Variants in CDH18 observed in about 807,000 individuals in gnomAD.
CDH18 encodes the protein cadherin-18.
A neutral mutation model predicts 67.9 loss-of-function variants in CDH18; 31 were observed. The ratio of observed to expected loss-of-function variants is 0.46; its 90% CI spans 0.34 to 0.62. The LOEUF (loss-of-function observed/expected upper bound fraction) is 0.62, where lower values mean the gene tolerates loss of function less well. Among genes scored for constraint, CDH18 ranks in the 20% least tolerant of loss-of-function variants. The pLI is 0.01. For synonymous variants in CDH18, 362 were observed against 347.2 expected, an observed-to-expected ratio of 1.04 and a Z score of -0.48; for missense variants, 890 against 975.5, an observed-to-expected ratio of 0.91 and a Z score of 1.17.
intron 5 of CDH18, among the ~76,000 whole-genome samples, chr5:19,684,758 C>T (rs1424058413): frequency 6.6e-6 from 1 of 151,738 alleles, no homozygotes; most frequent in Non-Finnish European, 1.5e-5. Context: ...AGAATATTGC[C>T]TTAAAGAATA....
At chr5:19,660,269 T>C (rs1440359416) in intron 5 of CDH18, among the ~76,000 whole-genome samples, 2 of 152,144 alleles carry the variant, frequency 1.3e-5, no homozygotes, top group Non-Finnish European at 1.5e-5. Flanking sequence ...TTCAACTCTT[T>C]CAGTTTCTAT....
intron 7 of CDH18, among the ~76,000 whole-genome samples, chr5:19,582,126 C>T (rs539129898): frequency 1.3e-5 from 2 of 151,928 alleles, no homozygotes; most frequent in East Asian, 3.9e-4. Context: ...TTATATTATA[C>T]AGAAAGTATG....
At chr5:20,451,583 G>A (rs968231327) in intron 1 of CDH18, among the ~76,000 whole-genome samples, 2 of 152,038 alleles carry the variant, frequency 1.3e-5, no homozygotes, top group Non-Finnish European at 1.5e-5. Context: ...TAATATCTTG[G>A]CCATGAAGGA....
At chr5:20,548,468 T>TAC (rs1437909109) in intron 1 of CDH18, among the ~76,000 whole-genome samples, 1 of 151,262 alleles carries the variant, frequency 6.6e-6, no homozygotes. Context: ...TGTGTGTGTA[T>TAC]ACACACACAC....
intron 2 of CDH18, among the ~76,000 whole-genome samples, chr5:20,078,322 G>A (rs1201844055): frequency 6.6e-6 from 1 of 151,926 alleles, no homozygotes; most frequent in Admixed American, 6.6e-5. Flanking sequence ...AATTAGCTGG[G>A]TGTGGTGGCG....
chr5:19,809,295 T>TA (rs1427317384), intron 3 of CDH18, among the ~76,000 whole-genome samples: 1 of 152,118 alleles, frequency 6.6e-6, no homozygotes, highest in Non-Finnish European at 1.5e-5. Context: ...GAAAATTAAC[T>TA]AAGTACACGC....
chr5:19,731,903 A>G (rs1767646891), intron 4 of CDH18, among the ~76,000 whole-genome samples: 1 of 152,070 alleles, frequency 6.6e-6, no homozygotes, highest in Admixed American at 6.5e-5. Flanking sequence ...CAGCCTGGGC[A>G]ACATGGCAAA....
At chr5:19,610,962 A>G (rs999714902) in intron 6 of CDH18, among the ~76,000 whole-genome samples, 7 of 152,182 alleles carry the variant, frequency 4.6e-5, no homozygotes, top group African/African-American at 1.7e-4. Flanking sequence ...TCAACATTTT[A>G]AAATGATTTT....
intron 2 of CDH18, among the ~76,000 whole-genome samples, chr5:20,110,410 C>T (rs1258117170): frequency 8.5e-5 from 13 of 152,114 alleles, no homozygotes; most frequent in Admixed American, 5.9e-4. Context: ...GTGTCGAGCA[C>T]GGTGGCTCAT....
chr5:19,685,476 C>T (rs1760952531), intron 5 of CDH18, among the ~76,000 whole-genome samples: 1 of 152,174 alleles, frequency 6.6e-6, no homozygotes, highest in Non-Finnish European at 1.5e-5. Flanking sequence ...GAACAACTTC[C>T]TTTCTGACTG....
At chr5:19,476,280 A>AT (rs1738450723) in intron 12 of CDH18, among the ~76,000 whole-genome samples, 1 of 152,096 alleles carries the variant, frequency 6.6e-6, no homozygotes, top group Non-Finnish European at 1.5e-5. Flanking sequence ...CATGGGAAGC[A>AT]TTGAATTACT....
intron 1 of CDH18, among the ~76,000 whole-genome samples, chr5:20,396,655 G>T (rs1360427208): frequency 1.8e-5 from 1 of 55,478 alleles, no homozygotes; most frequent in Admixed American, 2.5e-4. Flanking sequence ...CTAATGAATT[G>T]ATTTATTTTA....
chr5:20,231,682 C>A (rs941971626), intron 2 of CDH18, among the ~76,000 whole-genome samples: 1 of 151,802 alleles, frequency 6.6e-6, no homozygotes, highest in South Asian at 2.1e-4. Context: ...CATCGTTTTA[C>A]AAATTTTGAA....
At chr5:19,988,375 C>G (rs1373463565), upstream of CDH18, 2 of 154,512 alleles carry the variant, frequency 1.3e-5, no homozygotes, top group Non-Finnish European at 2.8e-5. Flanking sequence ...GCCTCCTTCT[C>G]CCCCCCAACC....
At chr5:19,782,314 G>A (rs1775209550) in intron 3 of CDH18, among the ~76,000 whole-genome samples, 1 of 152,084 alleles carries the variant, frequency 6.6e-6, no homozygotes, top group Non-Finnish European at 1.5e-5. Context: ...ATTATCATGA[G>A]GGGAGCATGG....
intron 5 of CDH18, among the ~76,000 whole-genome samples, chr5:19,698,953 T>C (rs1222122576): frequency 6.6e-6 from 1 of 152,142 alleles, no homozygotes; most frequent in Non-Finnish European, 1.5e-5. Flanking sequence ...TCTGTTTCTC[T>C]TCCCTACAGG....
intron 8 of CDH18, among the ~76,000 whole-genome samples, chr5:19,551,106 T>C (rs1053387617): frequency 7.9e-5 from 12 of 152,114 alleles, no homozygotes; most frequent in African/African-American, 2.4e-4. Flanking sequence ...AATGCATAGA[T>C]TGGGAAAAAT....
chr5:20,071,416 C>G (rs1244577290), intron 2 of CDH18, among the ~76,000 whole-genome samples: 1 of 152,062 alleles, frequency 6.6e-6, no homozygotes, highest in Non-Finnish European at 1.5e-5. Context: ...GTGATTACAT[C>G]TGCCCTTCCC....
At chr5:19,606,803 C>T (rs1461017733) in intron 6 of CDH18, among the ~76,000 whole-genome samples, 3 of 151,598 alleles carry the variant, frequency 2.0e-5, no homozygotes, top group Non-Finnish European at 4.4e-5. Flanking sequence ...TTTCTCAAAA[C>T]TAATAAAAGA....
Sources: gnomAD v4.1 joint callset for allele counts (sites outside exome capture counted in the v4.1 genomes callset) on GRCh38, gnomAD v4.1.1 for gene constraint, MANE v1.5 for transcripts, NCBI Gene and HGNC (gene_info 2026-07-23, HGNC 2026-07-21) for gene names.